The following GRM7 variants were observed in gnomAD, a reference collection of about 807,000 sequenced individuals.
The protein encoded by GRM7 is glutamate metabotropic receptor 7, also known as metabotropic glutamate receptor 7.
A neutral mutation model predicts 84.5 loss-of-function variants in GRM7; 35 were observed. That is an observed-to-expected ratio of 0.41 (90% CI 0.32 to 0.55). The LOEUF is 0.55. Ranked by LOEUF, GRM7 falls within the 20% of genes least tolerant of loss-of-function variation. GRM7 has a pLI of 0.19. For missense variants in GRM7, 1,003 were observed against 1,194.6 expected (o/e 0.84, Z 2.36); for synonymous variants, 487 against 455.1 (o/e 1.07, Z -0.89).
At chr3:7,397,417 A>C (rs1695255732) in intron 4 of GRM7, among the ~76,000 whole-genome samples, 1 of 152,160 alleles carries the variant, frequency 6.6e-6, no homozygotes, top group Non-Finnish European at 1.5e-5. Context: ...GGTAGCGGGG[A>C]GGCAGAGATG....
intron 4 of GRM7, among the ~76,000 whole-genome samples, chr3:7,406,899 A>G (rs1260053746): frequency 6.6e-6 from 1 of 152,210 alleles, no homozygotes; most frequent in African/African-American, 2.4e-5. Flanking sequence ...TGCAGTCAAG[A>G]TTGCACAATT....
At chr3:6,983,003 G>A (rs2124836374) in intron 1 of GRM7, among the ~76,000 whole-genome samples, 1 of 152,182 alleles carries the variant, frequency 6.6e-6, no homozygotes, top group East Asian at 1.9e-4. Flanking sequence ...CCAAATAATG[G>A]GATTGCTTAC....
intron 1 of GRM7, among the ~76,000 whole-genome samples, chr3:6,872,323 A>T (rs200135022): frequency 6.6e-6 from 1 of 152,144 alleles, no homozygotes; most frequent in African/African-American, 2.4e-5. Flanking sequence ...CATTTCCTCA[A>T]CTGCCACTCT....
intron 4 of GRM7, among the ~76,000 whole-genome samples, chr3:7,379,362 G>A (rs1424545454): frequency 6.6e-6 from 1 of 152,134 alleles, no homozygotes; most frequent in Admixed American, 6.5e-5. Flanking sequence ...CAAAGTGCTA[G>A]GATTACAGGT....
intron 2 of GRM7, among the ~76,000 whole-genome samples, chr3:7,152,966 C>T (rs1469122187): frequency 6.6e-6 from 1 of 151,968 alleles, no homozygotes; most frequent in Non-Finnish European, 1.5e-5. Flanking sequence ...ACAAAAAAGG[C>T]TGGGGCGATG....
At chr3:6,929,568 G>A (rs939470684) in intron 1 of GRM7, among the ~76,000 whole-genome samples, 3 of 152,050 alleles carry the variant, frequency 2.0e-5, no homozygotes, top group African/African-American at 7.2e-5. Context: ...ATAGAATTAT[G>A]TCTATCTGTT....
In GRM7 at chr3:6,867,819, A is replaced by G. The variant is rs528351760; in HGVS notation, c.519+5912A>G. Among the ~76,000 whole-genome samples the G allele has an allele frequency of 1.0e-3, 159 of 152,280 alleles. 1 individual carries two copies. The highest frequency in any genetic ancestry group is 1.7e-3 in the Non-Finnish European group (116 of 68,014). The stretch of plus-strand genomic sequence containing the variant: ...ATAAAAAATCAAAACAATAAAACCT[A>G]TGTACAGGTAAATATCTGTCTGAAA... On this transcript the variant is annotated intron_variant, in intron 1 of 9. Coordinates refer to ENST00000357716, the MANE Select transcript of GRM7 (RefSeq NM_000844.4).
At chr3:7,595,845 AG>A (rs571782632) in intron 8 of GRM7, among the ~76,000 whole-genome samples, 34 of 152,088 alleles carry the variant, frequency 2.2e-4, no homozygotes, top group Non-Finnish European at 4.1e-4. Context: ...AGGAGGGGGC[AG>A]GATCCTGATC....
chr3:7,289,356 T>C (rs546067804), intron 2 of GRM7, among the ~76,000 whole-genome samples: 64 of 152,266 alleles, frequency 4.2e-4, no homozygotes, highest in African/African-American at 1.5e-3. Flanking sequence ...TTGTTTGTCA[T>C]CTAAGCTTAG....
chr3:7,256,646 TACACACACAC>T (rs970879774), intron 2 of GRM7, among the ~76,000 whole-genome samples: 3 of 148,884 alleles, frequency 2.0e-5, no homozygotes, highest in African/African-American at 7.7e-5. Flanking sequence ...CACACACACA[TACACACACAC>T]ACAAAAAATG....
rs1285953612 is a variant in GRM7, at chr3:7,530,119, T to C, written c.1516-48303T>C. On this transcript the variant is annotated intron_variant, in intron 7 of 9. Coordinates refer to ENST00000357716, the MANE Select transcript of GRM7 (RefSeq NM_000844.4). ...CCCCCCACCCCCCAACAGGCCCCGG[T>C]GTGTGATGTTCCCCTCCCTGTGTCC... Among the ~76,000 whole-genome samples the C allele has an allele frequency of 1.0e-4, 11 of 108,004 alleles. 1 individual carries two copies. The highest frequency in any genetic ancestry group is 1.4e-4 in the Admixed American group (1 of 7,212). 70.9% of individuals were successfully genotyped at this position (108,004 alleles called of 152,430 possible).
At chr3:6,894,237 A>G (rs1050799378) in intron 1 of GRM7, among the ~76,000 whole-genome samples, 1 of 152,204 alleles carries the variant, frequency 6.6e-6, no homozygotes, top group African/African-American at 2.4e-5. Flanking sequence ...TAGCAGAATT[A>G]CATATTAAGC....
chr3:6,989,507 A>T (rs1694553909), intron 1 of GRM7, among the ~76,000 whole-genome samples: 1 of 152,234 alleles, frequency 6.6e-6, no homozygotes, highest in South Asian at 2.1e-4. Context: ...ACTTACTCTT[A>T]TCTCAGACTT....
chr3:7,675,723 C>G (rs571050426), intron 8 of GRM7, among the ~76,000 whole-genome samples: 72 of 152,238 alleles, frequency 4.7e-4, no homozygotes, highest in African/African-American at 1.7e-3. Context: ...AATCAACAAC[C>G]TATACATAAA....
chr3:7,651,802 T>C (rs1698952737), intron 8 of GRM7, among the ~76,000 whole-genome samples: 1 of 152,170 alleles, frequency 6.6e-6, no homozygotes. Context: ...TTAATGGATG[T>C]GGTCCGAAGT....
intron 3 of GRM7, among the ~76,000 whole-genome samples, chr3:7,304,669 C>T (rs1262545970): frequency 6.6e-6 from 1 of 151,878 alleles, no homozygotes; most frequent in African/African-American, 2.4e-5. Flanking sequence ...GTTTTGCTTT[C>T]TAGAGAATTT....
intron 1 of GRM7, among the ~76,000 whole-genome samples, chr3:6,926,141 T>C (rs1013683404): frequency 2.6e-5 from 4 of 152,166 alleles, no homozygotes; most frequent in African/African-American, 9.7e-5. Context: ...ATAAAATCTA[T>C]ATATGTTTAT....
At chr3:7,070,457 A>C (rs1466473449) in intron 1 of GRM7, among the ~76,000 whole-genome samples, 1 of 152,144 alleles carries the variant, frequency 6.6e-6, no homozygotes, top group African/African-American at 2.4e-5. Flanking sequence ...CATTCCTAAT[A>C]AACTTATTTT....
chr3:6,902,445 T>C (rs1329405556), intron 1 of GRM7, among the ~76,000 whole-genome samples: 1 of 152,194 alleles, frequency 6.6e-6, no homozygotes, highest in Non-Finnish European at 1.5e-5. Flanking sequence ...GTTATTGAAG[T>C]ATATTCCTCC....
Sources: allele counts gnomAD v4.1 joint callset (sites outside exome capture counted in the v4.1 genomes callset), GRCh38; gene constraint gnomAD v4.1.1; transcripts MANE v1.5; gene names NCBI Gene and HGNC (gene_info 2026-07-23, HGNC 2026-07-21).